The following ATL2 variants were observed in gnomAD, a reference collection of about 807,000 sequenced individuals.
ATL2 encodes atlastin GTPase 2.
ATL2 carries 31 observed loss-of-function variants against 73.9 expected under a neutral mutation model. The ratio of observed to expected loss-of-function variants is 0.42; its 90% confidence interval spans 0.32 to 0.57. The LOEUF is 0.57. ATL2 is among the 20% of genes least tolerant of loss of function. The probability of loss-of-function intolerance (pLI) is 0.14; values close to 1 mark genes in which losing one functional copy is unlikely to be tolerated. For missense variants in ATL2, 738 were observed against 702.6 expected, an observed-to-expected ratio of 1.05 and a Z score of -0.57; for synonymous variants, 291 against 237.5, an observed-to-expected ratio of 1.23 and a Z score of -2.07.
intron 1 of ATL2, among the ~76,000 whole-genome samples, chr2:38,363,490 T>G (rs191209127): frequency 3.5e-4 from 54 of 152,266 alleles, no homozygotes; most frequent in African/African-American, 1.3e-3. Flanking sequence ...TCTCCCAATA[T>G]TTGGGGAACA....
intron 2 of ATL2, among the ~76,000 whole-genome samples, chr2:38,322,312 C>T (rs184755197): frequency 4.6e-5 from 7 of 152,276 alleles, no homozygotes; most frequent in Admixed American, 1.3e-4. Flanking sequence ...ATCTCCTCTA[C>T]AAGAAGGTAA....
At chr2:38,318,090 G>C (rs975949797) in intron 4 of ATL2, among the ~76,000 whole-genome samples, 18 of 152,148 alleles carry the variant, frequency 1.2e-4, no homozygotes, top group African/African-American at 4.3e-4. Flanking sequence ...CCAAAAGCTA[G>C]AGTGTGCATG....
intron 1 of ATL2, among the ~76,000 whole-genome samples, chr2:38,353,135 C>A (rs773925631): frequency 6.6e-5 from 10 of 152,168 alleles, no homozygotes; most frequent in Non-Finnish European, 1.2e-4. Context: ...TCTGCCATGA[C>A]CCAGATGCTG....
intron 1 of ATL2, among the ~76,000 whole-genome samples, chr2:38,367,173 T>G (rs1671378581): frequency 6.6e-6 from 1 of 152,062 alleles, no homozygotes. Context: ...TTTTAGGTTT[T>G]AAGAAACTAA....
intron 2 of ATL2, among the ~76,000 whole-genome samples, chr2:38,330,231 A>AC (rs1010695180): frequency 6.6e-6 from 1 of 151,792 alleles, no homozygotes; most frequent in African/African-American, 2.4e-5. Flanking sequence ...AAAAAAAAAA[A>AC]ACTCCCAGCA....
intron 1 of ATL2, among the ~76,000 whole-genome samples, chr2:38,349,695 A>G (rs943217881): frequency 4.2e-4 from 51 of 122,632 alleles, no homozygotes; most frequent in Admixed American, 1.2e-3. Flanking sequence ...ATAAAATAGG[A>G]AAAAAAAAAC....
intron 1 of ATL2, among the ~76,000 whole-genome samples, chr2:38,367,720 C>T (rs1355228429): frequency 6.6e-6 from 1 of 150,848 alleles, no homozygotes; most frequent in Non-Finnish European, 1.5e-5. Flanking sequence ...GCCACCTCCG[C>T]CTCCAGGGTT....
intron 2 of ATL2, among the ~76,000 whole-genome samples, chr2:38,342,705 CA>C (rs1669793987): frequency 6.6e-6 from 1 of 151,864 alleles, no homozygotes; most frequent in African/African-American, 2.4e-5. Context: ...GAAGAAGTAA[CA>C]AAAAGGGAAA....
upstream of ATL2, chr2:38,377,297 A>C: frequency 6.7e-7 from 1 of 1,490,694 alleles, no homozygotes; most frequent in Non-Finnish European, 9.0e-7. Flanking sequence ...CACTGACGTC[A>C]AACGCCGCCG....
chr2:38,367,232 T>C (rs1671380128), intron 1 of ATL2, among the ~76,000 whole-genome samples: 2 of 152,042 alleles, frequency 1.3e-5, no homozygotes, highest in South Asian at 4.1e-4. Context: ...GCTTTTCTTC[T>C]ACCACGCTAC....
At chr2:38,300,225 T>A in intron 10 of ATL2, 47 bp downstream of exon 10, 1 of 1,435,426 alleles carries the variant, frequency 7.0e-7, no homozygotes. Flanking sequence ...TTATTCTCCC[T>A]CATAAATAAG....
At chr2:38,298,120 A>C in intron 12 of ATL2, 24 bp downstream of exon 12, 2 of 1,572,940 alleles carry the variant, frequency 1.3e-6, no homozygotes, top group Non-Finnish European at 1.7e-6. Flanking sequence ...TTAGTCACTA[A>C]AAAACCAAAA....
rs1229668962 is a variant in ATL2 at position 38,323,349 on chromosome 2, GTTTTTTTTTTTT to G, written c.364-4342_364-4331del. On this transcript the variant is annotated intron_variant, in intron 2 of 12. Transcript: ENST00000378954. ...AAAAGGCAATCTGAAATCACCAGAA[GTTTTTTTTTTTT>G]TTTTTTTTTTTTTTGAGATGGGGTC... Among the ~76,000 whole-genome samples the G allele has an allele frequency of 1.9e-4, 14 of 75,246 alleles. No homozygotes were observed. The South Asian group carries it at 2.9e-3, about 15-fold the overall frequency. The allele number at this position is 75,246 out of a possible 152,430, so 49.4% of individuals were successfully genotyped here.
chr2:38,319,311 T>C (rs1220182143), intron 2 of ATL2, among the ~76,000 whole-genome samples: 1 of 152,172 alleles, frequency 6.6e-6, no homozygotes, highest in Admixed American at 6.6e-5. Context: ...TTCTGAAAGA[T>C]ATCCTGGCTG....
intron 2 of ATL2, among the ~76,000 whole-genome samples, chr2:38,324,006 T>C (rs1396390186): frequency 2.0e-5 from 3 of 152,306 alleles, no homozygotes; most frequent in Non-Finnish European, 2.9e-5. Context: ...GCCGGTAAGG[T>C]GGCTCACGCC....
intron 2 of ATL2, among the ~76,000 whole-genome samples, chr2:38,340,170 GT>G (rs1419410356): frequency 3.4e-4 from 30 of 88,626 alleles, no homozygotes; most frequent in African/African-American, 1.5e-3. Flanking sequence ...GTTAGTTTTG[GT>G]GGGGGGGGGG....
Position 38,295,851 on chromosome 2 carries a change from A to C in ATL2, c.*143T>G. The C allele has an allele frequency of 1.5e-6, 1 of 658,560 alleles. No homozygotes were observed. 40.8% of individuals were successfully genotyped at this position (658,560 alleles called of 1,614,324 possible). On this transcript the variant is annotated 3_prime_UTR_variant, in exon 13 of 13. Coordinates refer to ENST00000378954, the MANE Select transcript of ATL2 (RefSeq NM_001135673.4). ...CTTAAAACTAACAAACAATCTTCACACTCTGTGGCAGCCATCTGTGAAGCC... is the reference window on the plus strand; with the variant it reads ...CTTAAAACTAACAAACAATCTTCACCCTCTGTGGCAGCCATCTGTGAAGCC...
In ATL2 at chr2:38,294,523, G is replaced by C. The variant is rs932051791; in HGVS notation, c.*1471C>G. Among the ~76,000 whole-genome samples, 1 of 152,126 alleles carries C rather than the reference G, an allele frequency of 6.6e-6. No homozygotes were observed. Among genetic ancestry groups the C allele is most frequent in the Non-Finnish European group, 1.5e-5 (1 of 68,024 alleles). The stretch of plus-strand genomic sequence containing the variant: ...AGATCGCACCACTGCACTCCAGCCT[G>C]GGTGACAGAGAGAGACTCCGTCTCA... On this transcript the variant is annotated 3_prime_UTR_variant, in exon 13 of 13. Transcript: ENST00000378954.
chr2:38,337,109 G>T (rs931622757), intron 2 of ATL2, among the ~76,000 whole-genome samples: 2 of 151,192 alleles, frequency 1.3e-5, no homozygotes, highest in Non-Finnish European at 2.9e-5. Flanking sequence ...AGGGAGGGAG[G>T]GAAACCTAAA....
Sources: gnomAD v4.1 joint callset for allele counts (sites outside exome capture counted in the v4.1 genomes callset) on GRCh38, gnomAD v4.1.1 for gene constraint, MANE v1.5 for transcripts, NCBI Gene and HGNC (gene_info 2026-07-23, HGNC 2026-07-21) for gene names.